Variants in VPS50 observed in about 807,000 individuals in gnomAD.
VPS50 encodes the protein syndetin.
In VPS50, 70 loss-of-function variants were observed where a neutral mutation model predicts 139.7. The observed-to-expected ratio is 0.50, with a 90% CI of 0.41 to 0.61. The LOEUF is 0.61. Ranked by LOEUF, VPS50 falls within the 20% of genes least tolerant of loss-of-function variation. VPS50 has a pLI of 0.00. For missense variants in VPS50, 921 were observed against 1,133.7 expected (o/e 0.81, Z 2.69); for synonymous variants, 365 against 376.7 (o/e 0.97, Z 0.36).
chr7:93,276,494 A>G (rs762630310), intron 12 of VPS50, 189 bp downstream of exon 12: 5 of 906,724 alleles, frequency 5.5e-6, no homozygotes, highest in Non-Finnish European at 1.5e-6. Context: ...CACAAATGGT[A>G]AAGGTTACTG....
At chr7:93,318,362 T>C (rs991954245) in intron 20 of VPS50, among the ~76,000 whole-genome samples, 4 of 152,158 alleles carry the variant, frequency 2.6e-5, no homozygotes, top group African/African-American at 9.7e-5. Context: ...GTTGATTTTT[T>C]ACTCTGGTCT....
intron 2 of VPS50, among the ~76,000 whole-genome samples, chr7:93,250,477 T>A (rs1227377848): frequency 6.6e-6 from 1 of 152,176 alleles, no homozygotes; most frequent in Admixed American, 6.5e-5. Flanking sequence ...TAAATGGTGC[T>A]GGGAAAATTG....
At position 93,271,275 on chromosome 7, in the gene VPS50, A is replaced by T; in HGVS notation, c.702+13A>T. ...GGAACAGATTGAGGTAAGAAGTATT[A>T]TATCCTAACCTTAATGAGTTTTTCT... On this transcript the variant is annotated intron_variant, in intron 10 of 27. Transcript: ENST00000305866. The T allele has an allele frequency of 6.4e-7, 1 of 1,553,168 alleles. No homozygotes were observed. The highest frequency in any genetic ancestry group is 8.6e-7 in the Non-Finnish European group (1 of 1,157,814).
rs1458497872 is a variant in VPS50 at position 93,360,409 on chromosome 7, T to G, written c.*1973T>G. The G allele has an allele frequency of 6.2e-5, 2 of 32,046 alleles. No homozygotes were observed. Among genetic ancestry groups the G allele is most frequent in the Admixed American group, 8.0e-4 (2 of 2,510 alleles). 2.0% of individuals were successfully genotyped at this position (32,046 alleles called of 1,614,324 possible). On this transcript the variant is annotated 3_prime_UTR_variant, in exon 28 of 28. Transcript: ENST00000305866. Reference sequence around the variant, plus strand: ...CTTTTTAATGCTTTTTGAAAAAGGTTTTTTTTTTTTTTTTTTTTCATTAAA... The same window carrying G: ...CTTTTTAATGCTTTTTGAAAAAGGTGTTTTTTTTTTTTTTTTTTCATTAAA...
At chr7:93,301,197 C>T (rs570172952) in intron 16 of VPS50, among the ~76,000 whole-genome samples, 8 of 151,018 alleles carry the variant, frequency 5.3e-5, no homozygotes, top group African/African-American at 9.7e-5. Context: ...CTCAGGAGGC[C>T]GAGGCAGGAG....
At chr7:93,267,033 A>G (rs1312253844) in intron 9 of VPS50, among the ~76,000 whole-genome samples, 1 of 152,224 alleles carries the variant, frequency 6.6e-6, no homozygotes, top group Non-Finnish European at 1.5e-5. Context: ...TACCTTTAAT[A>G]ACAGCCATAA....
At chr7:93,348,936 T>C (rs763468478) in intron 24 of VPS50, 129 bp downstream of exon 24, 63 of 626,730 alleles carry the variant, frequency 1.0e-4, no homozygotes, top group East Asian at 4.1e-4. Context: ...GATAAAATAT[T>C]CATTTATTCA....
chr7:93,306,139 T>G (rs1185114885), intron 18 of VPS50, 135 bp downstream of exon 18: 2 of 626,950 alleles, frequency 3.2e-6, no homozygotes, highest in Non-Finnish European at 5.7e-6. Context: ...GTACCTATGC[T>G]ATTACATTTA....
At chr7:93,339,159 T>C (rs560049787) in intron 22 of VPS50, among the ~76,000 whole-genome samples, 1 of 152,166 alleles carries the variant, frequency 6.6e-6, no homozygotes, top group Non-Finnish European at 1.5e-5. Flanking sequence ...GTAGGGTTAT[T>C]TCCTTTTTAG....
In VPS50 at chr7:93,253,947, A is replaced by T; in HGVS notation, c.297+16A>T. The T allele has an allele frequency of 6.7e-7, 1 of 1,483,544 alleles. No individual in the cohort carries two copies. The highest frequency in any genetic ancestry group is 9.3e-7 in the Non-Finnish European group (1 of 1,074,124). The allele number at this position is 1,483,544 out of a possible 1,614,324, so 91.9% of individuals were successfully genotyped here. Reference sequence around the variant, plus strand: ...GCAAGCTGCAGTAAGTAAAAAAAAAACACATTTCTTTCTGGCAAAACTCTA... The same window carrying T: ...GCAAGCTGCAGTAAGTAAAAAAAAATCACATTTCTTTCTGGCAAAACTCTA... On this transcript the variant is annotated intron_variant, in intron 4 of 27. Transcript: ENST00000305866.
intron 3 of VPS50, among the ~76,000 whole-genome samples, chr7:93,253,272 C>T (rs1795389103): frequency 6.6e-6 from 1 of 152,142 alleles, no homozygotes; most frequent in Admixed American, 6.5e-5. Flanking sequence ...CACAGTCAGT[C>T]CCCAGCTCAG....
At chr7:93,254,942 A>C (rs1402940999) in intron 4 of VPS50, among the ~76,000 whole-genome samples, 1 of 152,132 alleles carries the variant, frequency 6.6e-6, no homozygotes, top group East Asian at 1.9e-4. Context: ...CAGAAGTCTC[A>C]GTGGGTGCTA....
In VPS50 at chr7:93,253,877, C is replaced by A; in HGVS notation, c.243C>A (p.Leu81=). 6.3e-7 allele frequency: 1 copy of A among 1,594,654 alleles called. No individual in the cohort carries two copies. The highest frequency in any genetic ancestry group is 1.3e-5 in the African/African-American group (1 of 74,340). Residue 81 remains leucine, a synonymous_variant, in exon 4 of 28, where the codon CTC becomes CTA. Coordinates refer to ENST00000305866, the MANE Select transcript of VPS50 (RefSeq NM_017667.4). ...KYELEKLPPV[L]NLQELEAYRD... Reference sequence around the variant, plus strand: ...TTCTGTAGAAGCTTCCACCTGTTCTCAATTTGCAAGAATTAGAGGCGTATA... The same window carrying A: ...TTCTGTAGAAGCTTCCACCTGTTCTAAATTTGCAAGAATTAGAGGCGTATA...
intron 15 of VPS50, 148 bp from the exon 16 acceptor site, chr7:93,296,997 G>C: frequency 6.9e-7 from 1 of 1,444,752 alleles, no homozygotes; most frequent in African/African-American, 1.5e-5. Flanking sequence ...TTGGGTGTTT[G>C]TAAACCTTTA....
At chr7:93,332,511 T>C (rs780798651) in intron 21 of VPS50, among the ~76,000 whole-genome samples, 11 of 152,284 alleles carry the variant, frequency 7.2e-5, no homozygotes, top group South Asian at 4.1e-4. Flanking sequence ...ACATACATTG[T>C]GTGAAGAAAT....
At chr7:93,309,817 A>G (rs542719299) in intron 19 of VPS50, among the ~76,000 whole-genome samples, 2 of 152,072 alleles carry the variant, frequency 1.3e-5, no homozygotes, top group Non-Finnish European at 2.9e-5. Context: ...TCATACATTT[A>G]GTGACTATAG....
At chr7:93,318,855 T>G (rs1025313780) in intron 20 of VPS50, among the ~76,000 whole-genome samples, 5 of 152,184 alleles carry the variant, frequency 3.3e-5, no homozygotes, top group African/African-American at 1.2e-4. Context: ...GGTTCTCTTT[T>G]CTAGGAGTTT....
At chr7:93,300,105 T>C (rs1285252826) in intron 16 of VPS50, among the ~76,000 whole-genome samples, 6 of 152,102 alleles carry the variant, frequency 3.9e-5, no homozygotes, top group Non-Finnish European at 5.9e-5. Flanking sequence ...AAATTCCTTA[T>C]AAAGCCAAAC....
At chr7:93,345,667 T>TTCAA (rs1266612556) in intron 23 of VPS50, among the ~76,000 whole-genome samples, 6 of 152,150 alleles carry the variant, frequency 3.9e-5, no homozygotes, top group African/African-American at 1.4e-4. Flanking sequence ...GCAAGGCTGG[T>TTCAA]TCAATATACA....
Sources: allele counts gnomAD v4.1 joint callset (sites outside exome capture counted in the v4.1 genomes callset), GRCh38; gene constraint gnomAD v4.1.1; transcripts MANE v1.5; gene names NCBI Gene and HGNC (gene_info 2026-07-23, HGNC 2026-07-21).